The following PCDH15 variants were observed in gnomAD, a reference collection of about 807,000 sequenced individuals.
PCDH15 encodes the protein protocadherin related 15.
Under a neutral mutation model 178.5 loss-of-function variants are expected in PCDH15, and 129 were observed. That is an observed-to-expected ratio of 0.72 (90% CI 0.63 to 0.84). The LOEUF is 0.84. Among genes scored for constraint, PCDH15 ranks in the 40% least tolerant of loss-of-function variants. The pLI, the probability that PCDH15 is intolerant of heterozygous loss-of-function variation, is 0.00. For missense variants in PCDH15, 2,230 were observed against 2,099.9 expected (o/e 1.06, Z -1.21); for synonymous variants, 800 against 732.0 (o/e 1.09, Z -1.50).
At chr10:54,075,881 T>A (rs2094333862) in intron 17 of PCDH15, among the ~76,000 whole-genome samples, 1 of 152,168 alleles carries the variant, frequency 6.6e-6, no homozygotes, top group Non-Finnish European at 1.5e-5. Flanking sequence ...TCAAGAAGTA[T>A]AAGTTCTCCA....
At chr10:53,818,568 A>C (rs1486875683) in intron 33 of PCDH15, among the ~76,000 whole-genome samples, 1 of 152,122 alleles carries the variant, frequency 6.6e-6, no homozygotes, top group Non-Finnish European at 1.5e-5. Context: ...TAAGTGAAGA[A>C]GTTTTTAGAG....
chr10:54,684,855 A>T (rs1565937585), intron 1 of PCDH15, among the ~76,000 whole-genome samples: 1 of 152,022 alleles, frequency 6.6e-6, no homozygotes, highest in Non-Finnish European at 1.5e-5. Context: ...CTTAGGCTAC[A>T]CTAAATTTAT....
intron 8 of PCDH15, among the ~76,000 whole-genome samples, chr10:54,262,531 T>TA (rs1297857992): frequency 6.6e-6 from 1 of 151,950 alleles, no homozygotes; most frequent in Non-Finnish European, 1.5e-5. Flanking sequence ...GCTTAAAGCT[T>TA]AGAGGCCAGA....
intron 26 of PCDH15, among the ~76,000 whole-genome samples, chr10:53,891,860 T>C (rs1294300307): frequency 1.3e-5 from 2 of 151,632 alleles, no homozygotes; most frequent in East Asian, 2.0e-4. Context: ...TCCCAGCTAC[T>C]TGGGATGCTG....
At chr10:54,086,199 G>A (rs537652124) in intron 16 of PCDH15, among the ~76,000 whole-genome samples, 1 of 152,236 alleles carries the variant, frequency 6.6e-6, no homozygotes, top group East Asian at 1.9e-4. Context: ...TCCACTCATG[G>A]CCAAAGGTGA....
At chr10:55,550,628 T>C (rs573219698) in intron 2 of PCDH15, among the ~76,000 whole-genome samples, 1 of 152,288 alleles carries the variant, frequency 6.6e-6, no homozygotes, top group South Asian at 2.1e-4. Flanking sequence ...AGACAAAATA[T>C]TTTGCTCTAT....
intron 2 of PCDH15, among the ~76,000 whole-genome samples, chr10:55,503,581 G>C (rs985176048): frequency 6.6e-6 from 1 of 150,910 alleles, no homozygotes; most frequent in African/African-American, 2.4e-5. Flanking sequence ...TTAAACTATT[G>C]GTAATATTGT....
rs1591796005 is a variant in PCDH15 at position 54,323,084 on chromosome 10, T to G, written c.706-5643A>C. 3.9e-5 allele frequency among the ~76,000 whole-genome samples: 6 copies of G among 152,206 alleles called. 1 individual carries two copies. Among genetic ancestry groups the G allele is most frequent in the Admixed American group, 3.9e-4 (6 of 15,262 alleles). On this transcript the variant is annotated intron_variant, in intron 7 of 37. Coordinates refer to ENST00000644397, the MANE Select transcript of PCDH15 (RefSeq NM_001384140.1). ...AACAGACACTTCTCAAAATAAGACA[T>G]ACATGCAGCCAACAAATATATGAAA...
chr10:54,563,409 AC>A (rs1436433811), intron 2 of PCDH15, among the ~76,000 whole-genome samples: 1 of 151,970 alleles, frequency 6.6e-6, no homozygotes, highest in Non-Finnish European at 1.5e-5. Context: ...AAGTATCTGG[AC>A]TTGCCGGGTA....
At chr10:55,505,621 G>T (rs1300840249) in intron 2 of PCDH15, among the ~76,000 whole-genome samples, 15 of 151,242 alleles carry the variant, frequency 9.9e-5, no homozygotes. Context: ...GTCTGCAATG[G>T]CAGGAGAATT....
At chr10:55,620,684 A>G (rs528210696) in intron 2 of PCDH15, among the ~76,000 whole-genome samples, 10 of 151,992 alleles carry the variant, frequency 6.6e-5, no homozygotes, top group African/African-American at 2.4e-4. Context: ...GAGACATAAG[A>G]CAATTAAAAA....
chr10:54,104,053 A>G (rs1565269449), intron 15 of PCDH15, among the ~76,000 whole-genome samples: 2 of 152,216 alleles, frequency 1.3e-5, no homozygotes, highest in South Asian at 2.1e-4. Context: ...AGAAGCAAAC[A>G]GGAGTGTTGG....
At chr10:53,992,097 A>T (rs755068057) in intron 21 of PCDH15, among the ~76,000 whole-genome samples, 1 of 151,846 alleles carries the variant, frequency 6.6e-6, no homozygotes. Flanking sequence ...TCCTGAGGCC[A>T]GCGAGACCAT....
chr10:55,265,057 C>T (rs1842246960), intron 1 of PCDH15, among the ~76,000 whole-genome samples: 1 of 152,070 alleles, frequency 6.6e-6, no homozygotes, highest in African/African-American at 2.4e-5. Flanking sequence ...CCCTGCTCCT[C>T]TGGGTCCACC....
At chr10:55,524,856 A>G (rs1413742580) in intron 2 of PCDH15, among the ~76,000 whole-genome samples, 1 of 151,798 alleles carries the variant, frequency 6.6e-6, no homozygotes. Context: ...TTAAACATCA[A>G]TTAAGGCAAT....
At position 54,646,066 on chromosome 10, in the gene PCDH15, A is replaced by G. The variant is rs552414771; in HGVS notation, c.91+18106T>C. Among the ~76,000 whole-genome samples, 19 of 152,240 alleles carry G rather than the reference A, an allele frequency of 1.2e-4. No individual in the cohort carries two copies. The South Asian group carries it at 3.7e-3, about 30-fold the overall frequency. ...AATATTTATTTTATATTCACACACT[A>G]CATGTTTTATCGCATGTTAATCCTC... On this transcript the variant is annotated intron_variant, in intron 2 of 37. Transcript: ENST00000644397.
intron 1 of PCDH15, among the ~76,000 whole-genome samples, chr10:54,704,381 A>C (rs2095344582): frequency 6.6e-6 from 1 of 152,186 alleles, no homozygotes; most frequent in African/African-American, 2.4e-5. Context: ...GTAAACCTAC[A>C]GAATGGGAGA....
chr10:55,498,716 G>A (rs1400027628), intron 2 of PCDH15, among the ~76,000 whole-genome samples: 1 of 151,820 alleles, frequency 6.6e-6, no homozygotes, highest in Non-Finnish European at 1.5e-5. Context: ...AGCAGAAACT[G>A]ACAGTGACCT....
chr10:54,251,930 T>C (rs1187015733), intron 8 of PCDH15, among the ~76,000 whole-genome samples: 1 of 152,152 alleles, frequency 6.6e-6, no homozygotes, highest in Non-Finnish European at 1.5e-5. Flanking sequence ...AATAATTTAA[T>C]AGTGTTTCTT....
Sources: gnomAD v4.1 joint callset for allele counts (sites outside exome capture counted in the v4.1 genomes callset) on GRCh38, gnomAD v4.1.1 for gene constraint, MANE v1.5 for transcripts, NCBI Gene and HGNC (gene_info 2026-07-23, HGNC 2026-07-21) for gene names.